The following APBA1 variants were observed in gnomAD, a reference collection of about 807,000 sequenced individuals.
APBA1 encodes amyloid beta precursor protein binding family A member 1.
Under a neutral mutation model 86.6 loss-of-function variants are expected in APBA1, and 55 were observed. The ratio of observed to expected loss-of-function variants is 0.64; its 90% CI spans 0.51 to 0.80. The LOEUF (loss-of-function observed/expected upper bound fraction) is 0.80, where lower values mean the gene tolerates loss of function less well. Ranked by LOEUF, APBA1 falls within the 30% of genes least tolerant of loss-of-function variation. The probability of loss-of-function intolerance (pLI) is 0.00; values close to 1 mark genes in which losing one functional copy is unlikely to be tolerated. For synonymous variants in APBA1, 511 were observed against 493.9 expected, an observed-to-expected ratio of 1.03 and a Z score of -0.46; for missense variants, 1,090 against 1,183.0, an observed-to-expected ratio of 0.92 and a Z score of 1.15.
At chr9:69,499,357 TC>T (rs1487723219) in intron 2 of APBA1, among the ~76,000 whole-genome samples, 2 of 152,052 alleles carry the variant, frequency 1.3e-5, no homozygotes, top group African/African-American at 2.4e-5. Flanking sequence ...CACATATTAA[TC>T]CTAAATTCTG....
intron 1 of APBA1, among the ~76,000 whole-genome samples, chr9:69,657,035 C>T (rs948278325): frequency 7.2e-5 from 11 of 151,888 alleles, no homozygotes; most frequent in African/African-American, 2.7e-4. Flanking sequence ...TTAGTAGAGA[C>T]GGGGTTTCAC....
chr9:69,580,352 T>A lies in APBA1; in HGVS notation c.-69-63073A>T, dbSNP rs571582639. On this transcript the variant is annotated intron_variant, in intron 1 of 12. Coordinates refer to ENST00000265381, the MANE Select transcript of APBA1 (RefSeq NM_001163.4). ...GTATTTAAATATTAATTCCTTTACTTCAGATCAAGCCCTAGCAACCTTCAT... is the reference window on the plus strand; with the variant it reads ...GTATTTAAATATTAATTCCTTTACTACAGATCAAGCCCTAGCAACCTTCAT... 7.2e-5 allele frequency among the ~76,000 whole-genome samples: 11 copies of A among 152,198 alleles called. No individual in the cohort carries two copies. The South Asian group carries it at 1.9e-3, about 26-fold the overall frequency.
At chr9:69,497,633 A>C (rs1311870273) in intron 2 of APBA1, among the ~76,000 whole-genome samples, 2 of 152,110 alleles carry the variant, frequency 1.3e-5, no homozygotes, top group African/African-American at 4.8e-5. Flanking sequence ...TTGGGGATAA[A>C]GTTAAACTCC....
intron 1 of APBA1, among the ~76,000 whole-genome samples, chr9:69,620,057 C>G (rs1215726405): frequency 6.6e-6 from 1 of 152,214 alleles, no homozygotes; most frequent in Non-Finnish European, 1.5e-5. Flanking sequence ...CTTCCCTTAA[C>G]ATCTTGGTCT....
intron 1 of APBA1, among the ~76,000 whole-genome samples, chr9:69,558,269 T>C (rs1255620046): frequency 6.6e-6 from 1 of 152,204 alleles, no homozygotes; most frequent in Non-Finnish European, 1.5e-5. Flanking sequence ...ATAAATAGCA[T>C]GGAGGAATCT....
intron 1 of APBA1, among the ~76,000 whole-genome samples, chr9:69,639,140 A>C (rs1588407022): frequency 6.6e-6 from 1 of 152,206 alleles, no homozygotes; most frequent in Non-Finnish European, 1.5e-5. Context: ...TACAGTTAAA[A>C]GACATTTTTT....
intron 1 of APBA1, among the ~76,000 whole-genome samples, chr9:69,668,364 C>T (rs1402319818): frequency 1.3e-5 from 2 of 152,158 alleles, no homozygotes; most frequent in African/African-American, 4.8e-5. Flanking sequence ...CTCCCTTTTC[C>T]CTTCCTCACT....
At chr9:69,586,787 T>G (rs2133961192) in intron 1 of APBA1, among the ~76,000 whole-genome samples, 1 of 152,272 alleles carries the variant, frequency 6.6e-6, no homozygotes, top group East Asian at 1.9e-4. Flanking sequence ...GTGGGAAATA[T>G]AAGGGAAGAC....
intron 1 of APBA1, among the ~76,000 whole-genome samples, chr9:69,627,323 C>A (rs1265447098): frequency 6.6e-6 from 1 of 152,088 alleles, no homozygotes; most frequent in Non-Finnish European, 1.5e-5. Flanking sequence ...GTTTTTATTT[C>A]TCCTTCTCTC....
chr9:69,531,851 G>A (rs942615957), intron 1 of APBA1, among the ~76,000 whole-genome samples: 3 of 152,212 alleles, frequency 2.0e-5, no homozygotes, highest in Admixed American at 6.5e-5. Flanking sequence ...TGCACACTGA[G>A]TCAGACTTCA....
At chr9:69,538,166 T>A (rs1836543516) in intron 1 of APBA1, among the ~76,000 whole-genome samples, 1 of 152,230 alleles carries the variant, frequency 6.6e-6, no homozygotes, top group Non-Finnish European at 1.5e-5. Flanking sequence ...GTTATCCATG[T>A]TTCATCTGGC....
intron 2 of APBA1, among the ~76,000 whole-genome samples, chr9:69,512,100 A>C (rs1442524019): frequency 6.6e-6 from 1 of 152,020 alleles, no homozygotes; most frequent in Admixed American, 6.5e-5. Flanking sequence ...AAATAAAAAG[A>C]AAAAAAGAAA....
At chr9:69,490,683 G>A (rs1304276413) in intron 2 of APBA1, among the ~76,000 whole-genome samples, 5 of 152,014 alleles carry the variant, frequency 3.3e-5, no homozygotes, top group Non-Finnish European at 5.9e-5. Context: ...CAGAATGGGA[G>A]AAAATTTTTG....
intron 1 of APBA1, among the ~76,000 whole-genome samples, chr9:69,639,253 G>A (rs1009498869): frequency 1.3e-5 from 2 of 152,154 alleles, no homozygotes; most frequent in Non-Finnish European, 2.9e-5. Flanking sequence ...TTGTAATCCT[G>A]TTGTACTGAA....
At chr9:69,565,186 G>A (rs1194954739) in intron 1 of APBA1, among the ~76,000 whole-genome samples, 2 of 152,072 alleles carry the variant, frequency 1.3e-5, no homozygotes, top group Non-Finnish European at 2.9e-5. Context: ...GTGAAGTGCT[G>A]TCAGGTAGAG....
chr9:69,444,723 T>A (rs1342297180), intron 10 of APBA1, among the ~76,000 whole-genome samples: 2 of 152,212 alleles, frequency 1.3e-5, no homozygotes, highest in African/African-American at 4.8e-5. Context: ...GCTCAGACAT[T>A]CATGCAGATA....
rs1275599927 is a variant in APBA1 at position 69,516,822 on chromosome 9, G to A, written c.389C>T (p.Thr130Met). Reference sequence around the variant, plus strand: ...GGCGTGCTCGGCCTCTGCCTGCTCCGTGTACTCCTCGGCCTCGGGCCGGTA... The same window carrying A: ...GGCGTGCTCGGCCTCTGCCTGCTCCATGTACTCCTCGGCCTCGGGCCGGTA... Reference protein sequence around the residue: ...VQYRPEAEEYTEQAEAEHAEA... With the variant: ...VQYRPEAEEYMEQAEAEHAEA... Residue 130 changes from threonine (T) to methionine (M), a missense_variant, in exon 2 of 13, where the codon ACG becomes ATG. Thr to Met is a moderately conservative substitution (Grantham distance 81). Coordinates refer to ENST00000265381, the MANE Select transcript of APBA1 (RefSeq NM_001163.4). The surrounding 1 kb of genome is among the most constrained non-coding windows in gnomAD (Gnocchi z 7.3). 1.5e-5 allele frequency: 24 copies of A among 1,606,684 alleles called. No individual in the cohort carries two copies. The highest frequency in any genetic ancestry group is 5.0e-5 in the Admixed American group (3 of 59,914).
In APBA1 at chr9:69,429,140, C is replaced by T. The variant is rs1462434476; in HGVS notation, c.*2187G>A. On this transcript the variant is annotated 3_prime_UTR_variant, in exon 13 of 13. Transcript: ENST00000265381. The stretch of plus-strand genomic sequence containing the variant: ...CACTGCCCAGGTGCCTAGGGACAGA[C>T]AGGCATGGGCCCCTACGATGATTTT... 2 of 152,206 alleles carry T rather than the reference C, an allele frequency of 1.3e-5. No individual in the cohort carries two copies. Among genetic ancestry groups the T allele is most frequent in the African/African-American group, 2.4e-5 (1 of 41,436 alleles). 9.4% of individuals were successfully genotyped at this position (152,206 alleles called of 1,614,324 possible).
At chr9:69,666,397 A>T (rs1823840825) in intron 1 of APBA1, among the ~76,000 whole-genome samples, 1 of 147,508 alleles carries the variant, frequency 6.8e-6, no homozygotes, top group South Asian at 2.2e-4. Flanking sequence ...CCCCCCACCC[A>T]CCCACTATCA....
Sources: gnomAD v4.1 joint callset for allele counts (sites outside exome capture counted in the v4.1 genomes callset) on GRCh38, gnomAD v4.1.1 for gene constraint, Gnocchi (gnomAD v3.1) non-coding constraint, MANE v1.5 for transcripts, NCBI Gene and HGNC (gene_info 2026-07-23, HGNC 2026-07-21) for gene names.